ANO10: variants seen among roughly 807,000 people sequenced by gnomAD.
ANO10 encodes anoctamin 10.
ANO10 carries 77 observed loss-of-function variants against 74.7 expected under a neutral mutation model. That is an observed-to-expected ratio of 1.03 (90% CI 0.86 to 1.25). The LOEUF (loss-of-function observed/expected upper bound fraction) is 1.25. Among genes scored for constraint, ANO10 ranks in the 50% most tolerant of loss-of-function variants. The pLI, the probability that ANO10 is intolerant of heterozygous loss-of-function variation, is 0.00. For missense variants in ANO10, 721 were observed against 778.1 expected, an observed-to-expected ratio of 0.93 and a Z score of 0.87; for synonymous variants, 279 against 284.9, an observed-to-expected ratio of 0.98 and a Z score of 0.21.
intron 4 of ANO10, among the ~76,000 whole-genome samples, chr3:43,586,525 G>A (rs1435406184): frequency 1.3e-5 from 2 of 151,794 alleles, no homozygotes; most frequent in Non-Finnish European, 2.9e-5. Flanking sequence ...GAAAAATAAG[G>A]GTTCATTAAA....
intron 11 of ANO10, among the ~76,000 whole-genome samples, chr3:43,465,262 T>A (rs981078216): frequency 6.6e-6 from 1 of 152,168 alleles, no homozygotes; most frequent in Admixed American, 6.5e-5. Flanking sequence ...TTAGATGATT[T>A]TGTCATAGTG....
intron 4 of ANO10, among the ~76,000 whole-genome samples, chr3:43,598,099 A>C (rs1312384936): frequency 6.6e-6 from 1 of 152,250 alleles, no homozygotes; most frequent in African/African-American, 2.4e-5. Flanking sequence ...TATCTTCATT[A>C]AAATGAAATC....
intron 1 of ANO10, among the ~76,000 whole-genome samples, chr3:43,649,511 T>C (rs1235580105): frequency 6.6e-6 from 1 of 152,100 alleles, no homozygotes; most frequent in Non-Finnish European, 1.5e-5. Context: ...TGTGAATTCA[T>C]TGGTTATTTA....
rs558345193 is a variant in ANO10 at position 43,554,416 on chromosome 3, C to T, written c.1668+862G>A. 1.5e-4 allele frequency among the ~76,000 whole-genome samples: 23 copies of T among 152,216 alleles called. No homozygotes were observed. The East Asian group carries it at 4.3e-3, about 28-fold the overall frequency. On this transcript the variant is annotated intron_variant, in intron 10 of 12. Transcript: ENST00000292246. ...CCATGTTGGCCAGGCTGGTCTCGAACTCCTGACCTCAGGTAATCCGCCTGC... is the reference window on the plus strand; with the variant it reads ...CCATGTTGGCCAGGCTGGTCTCGAATTCCTGACCTCAGGTAATCCGCCTGC...
intron 1 of ANO10, among the ~76,000 whole-genome samples, chr3:43,685,682 G>A (rs185235877): frequency 1.1e-4 from 16 of 152,286 alleles, no homozygotes; most frequent in Admixed American, 1.0e-3. Flanking sequence ...TCATGGCCTT[G>A]CCAATATTTA....
intron 4 of ANO10, among the ~76,000 whole-genome samples, chr3:43,590,251 T>C (rs2081667898): frequency 6.6e-6 from 1 of 152,204 alleles, no homozygotes; most frequent in Non-Finnish European, 1.5e-5. Context: ...CACAGTAGGC[T>C]AGAATAAATA....
chr3:43,580,315 C>G, intron 5 of ANO10, 38 bp downstream of exon 5: 1 of 1,612,662 alleles, frequency 6.2e-7, no homozygotes, highest in Non-Finnish European at 8.5e-7. Context: ...TCATCAGAGG[C>G]CTTCCTCTTC....
chr3:43,479,001 A>G (rs2076172693), intron 11 of ANO10, among the ~76,000 whole-genome samples: 1 of 152,234 alleles, frequency 6.6e-6, no homozygotes, highest in Non-Finnish European at 1.5e-5. Flanking sequence ...TTCTAAAACT[A>G]TCCTTGAGGA....
At chr3:43,658,825 T>C (rs2149571954) in intron 1 of ANO10, among the ~76,000 whole-genome samples, 1 of 152,222 alleles carries the variant, frequency 6.6e-6, no homozygotes, top group African/African-American at 2.4e-5. Context: ...AACTAAACTA[T>C]GGTATTAGAA....
At chr3:43,430,726 G>A (rs573909586) in intron 12 of ANO10, among the ~76,000 whole-genome samples, 1 of 152,136 alleles carries the variant, frequency 6.6e-6, no homozygotes, top group East Asian at 1.9e-4. Flanking sequence ...TGACAAGAGT[G>A]AGAGTCCCCA....
At chr3:43,572,361 G>GC (rs2080776089) in intron 7 of ANO10, among the ~76,000 whole-genome samples, 1 of 152,166 alleles carries the variant, frequency 6.6e-6, no homozygotes, top group Non-Finnish European at 1.5e-5. Context: ...CCCTATCACA[G>GC]CAAGCCTATG....
intron 11 of ANO10, among the ~76,000 whole-genome samples, chr3:43,520,231 T>C: frequency 6.6e-6 from 1 of 152,212 alleles, no homozygotes; most frequent in South Asian, 2.1e-4. Context: ...CCAGTTTTAG[T>C]TGATTTTTGT....
intron 11 of ANO10, among the ~76,000 whole-genome samples, chr3:43,476,728 G>C (rs2076080202): frequency 6.6e-6 from 1 of 152,056 alleles, no homozygotes; most frequent in Admixed American, 6.6e-5. Flanking sequence ...GTGGAACTTA[G>C]TATGAGCAAG....
intron 12 of ANO10, among the ~76,000 whole-genome samples, chr3:43,430,405 T>C (rs1005032461): frequency 1.3e-5 from 2 of 152,064 alleles, no homozygotes; most frequent in Admixed American, 6.6e-5. Flanking sequence ...AGACTTCTTA[T>C]GGTTTACATT....
intron 4 of ANO10, among the ~76,000 whole-genome samples, chr3:43,585,738 T>C (rs776613258): frequency 2.6e-5 from 4 of 152,228 alleles, no homozygotes; most frequent in Non-Finnish European, 5.9e-5. Context: ...CTTTGTATTT[T>C]ATTGGATGCA....
intron 11 of ANO10, among the ~76,000 whole-genome samples, chr3:43,447,640 T>C (rs1482631308): frequency 6.6e-6 from 1 of 152,210 alleles, no homozygotes; most frequent in Non-Finnish European, 1.5e-5. Flanking sequence ...TTGGCTTAAA[T>C]TGGATCTATA....
intron 11 of ANO10, among the ~76,000 whole-genome samples, chr3:43,441,497 G>C (rs1388855664): frequency 6.6e-6 from 1 of 151,968 alleles, no homozygotes; most frequent in African/African-American, 2.4e-5. Context: ...ATACTAGTAA[G>C]GAGATTGAAT....
intron 12 of ANO10, among the ~76,000 whole-genome samples, chr3:43,380,156 TAAC>T (rs1425277325): frequency 2.0e-5 from 3 of 152,024 alleles, no homozygotes; most frequent in Non-Finnish European, 4.4e-5. Context: ...TTAAAAAAAT[TAAC>T]AAAGCCTCCG....
At chr3:43,677,706 C>T (rs1421947307) in intron 1 of ANO10, among the ~76,000 whole-genome samples, 1 of 152,188 alleles carries the variant, frequency 6.6e-6, no homozygotes, top group East Asian at 1.9e-4. Context: ...AAGTCTGGTG[C>T]CTTGGTGCTC....
Sources: gnomAD v4.1 joint callset for allele counts (sites outside exome capture counted in the v4.1 genomes callset) on GRCh38, gnomAD v4.1.1 for gene constraint, MANE v1.5 for transcripts, NCBI Gene and HGNC (gene_info 2026-07-23, HGNC 2026-07-21) for gene names.